Variants in NRXN1 observed in about 807,000 individuals in gnomAD.
The protein encoded by NRXN1 is neurexin 1.
Under a neutral mutation model 150.9 loss-of-function variants are expected in NRXN1, and 39 were observed. The ratio of observed to expected loss-of-function variants is 0.26; its 90% CI spans 0.20 to 0.34. NRXN1 has a LOEUF of 0.34. NRXN1 is among the 10% of genes least tolerant of loss of function. The pLI, the probability that NRXN1 is intolerant of heterozygous loss-of-function variation, is 1.00. For missense variants in NRXN1, 1,815 were observed against 1,949.9 expected, an observed-to-expected ratio of 0.93 and a Z score of 1.30; for synonymous variants, 924 against 757.0, an observed-to-expected ratio of 1.22 and a Z score of -3.62.
intron 22 of NRXN1, among the ~76,000 whole-genome samples, chr2:49,941,399 T>A (rs1671950647): frequency 6.6e-6 from 1 of 151,480 alleles, no homozygotes; most frequent in Non-Finnish European, 1.5e-5. Context: ...TCTACCTTCT[T>A]CCTCCACCAT....
At chr2:49,995,534 C>T (rs1682791248) in intron 21 of NRXN1, among the ~76,000 whole-genome samples, 1 of 152,008 alleles carries the variant, frequency 6.6e-6, no homozygotes, top group African/African-American at 2.4e-5. Flanking sequence ...CTAATCCCAG[C>T]ACTTTGGGAG....
At chr2:50,785,441 G>C (rs1382844986) in intron 5 of NRXN1, among the ~76,000 whole-genome samples, 1 of 151,788 alleles carries the variant, frequency 6.6e-6, no homozygotes, top group East Asian at 1.9e-4. Context: ...GTAGAGACGG[G>C]GTTTCACCCT....
chr2:50,708,698 G>T (rs932778013), intron 5 of NRXN1, among the ~76,000 whole-genome samples: 8 of 152,280 alleles, frequency 5.3e-5, no homozygotes, highest in African/African-American at 1.9e-4. Context: ...CACAGGAGGA[G>T]AAAGCAAATC....
At chr2:50,218,862 A>G (rs1210968855) in intron 18 of NRXN1, among the ~76,000 whole-genome samples, 3 of 152,042 alleles carry the variant, frequency 2.0e-5, no homozygotes, top group African/African-American at 7.2e-5. Flanking sequence ...CCTGTTATAC[A>G]TATGCAAAAC....
chr2:50,028,342 C>T (rs1470877631), intron 21 of NRXN1, among the ~76,000 whole-genome samples: 2 of 152,200 alleles, frequency 1.3e-5, no homozygotes, highest in East Asian at 3.8e-4. Flanking sequence ...AACAAGGAGA[C>T]ATCAAGGCAT....
At chr2:50,032,129 G>A (rs1689264737) in intron 21 of NRXN1, among the ~76,000 whole-genome samples, 1 of 152,018 alleles carries the variant, frequency 6.6e-6, no homozygotes, top group Admixed American at 6.6e-5. Context: ...CTATTTTACT[G>A]TTACTAGCCA....
intron 17 of NRXN1, among the ~76,000 whole-genome samples, chr2:50,455,980 C>A (rs529846642): frequency 1.6e-4 from 25 of 152,250 alleles, no homozygotes; most frequent in African/African-American, 6.0e-4. Flanking sequence ...AATAGAACTG[C>A]CAAATATCAA....
chr2:50,742,050 G>C (rs1243855755), intron 5 of NRXN1, among the ~76,000 whole-genome samples: 1 of 151,984 alleles, frequency 6.6e-6, no homozygotes, highest in Non-Finnish European at 1.5e-5. Flanking sequence ...AAAAGGAAAA[G>C]AAAATAAAAG....
At chr2:50,991,044 T>A (rs1279525102) in intron 2 of NRXN1, among the ~76,000 whole-genome samples, 1 of 152,102 alleles carries the variant, frequency 6.6e-6, no homozygotes, top group Admixed American at 6.6e-5. Context: ...TCTTTCAGCA[T>A]CTGCTCTGTG....
At chr2:50,785,429 C>T (rs747545659) in intron 5 of NRXN1, among the ~76,000 whole-genome samples, 4 of 151,564 alleles carry the variant, frequency 2.6e-5, no homozygotes, top group Non-Finnish European at 4.4e-5. Context: ...TTTGTATTTT[C>T]AGTAGAGACG....
At chr2:50,438,967 T>TGCCACAGCTACTCAAAGTA (rs2085687076) in intron 17 of NRXN1, among the ~76,000 whole-genome samples, 2 of 152,230 alleles carry the variant, frequency 1.3e-5, no homozygotes, top group African/African-American at 4.8e-5. Context: ...TATGGAAAGT[T>TGCCACAGCTACTCAAAGTA]GCCACAGCTA....
intron 17 of NRXN1, among the ~76,000 whole-genome samples, chr2:50,335,907 A>G (rs1357263194): frequency 6.7e-6 from 1 of 148,798 alleles, no homozygotes; most frequent in Non-Finnish European, 1.5e-5. Flanking sequence ...TTTTTTTTCC[A>G]GAGCAGAAAA....
intron 22 of NRXN1, among the ~76,000 whole-genome samples, chr2:49,925,281 C>CAAAAAAAAAA (rs772838099): frequency 1.2e-5 from 1 of 80,990 alleles, no homozygotes; most frequent in African/African-American, 4.4e-5. Context: ...CTGCCTCAAC[C>CAAAAAAAAAA]AAAAAAAAAA....
intron 18 of NRXN1, among the ~76,000 whole-genome samples, chr2:50,195,627 T>C (rs1271422473): frequency 6.6e-6 from 1 of 152,162 alleles, no homozygotes; most frequent in Non-Finnish European, 1.5e-5. Flanking sequence ...TGCTTTTGAT[T>C]GTCACTCTCC....
chr2:50,838,954 A>C (rs919113769), intron 5 of NRXN1, among the ~76,000 whole-genome samples: 1 of 152,168 alleles, frequency 6.6e-6, no homozygotes, highest in Non-Finnish European at 1.5e-5. Flanking sequence ...TGAGGTGAAA[A>C]AAGGTGAAAT....
chr2:50,035,492 A>C (rs1243349370), intron 21 of NRXN1, among the ~76,000 whole-genome samples: 2 of 152,160 alleles, frequency 1.3e-5, no homozygotes, highest in Non-Finnish European at 2.9e-5. Flanking sequence ...GAACAATAAA[A>C]AGCAAAATTC....
At chr2:50,980,676 C>A (rs1575116750) in intron 2 of NRXN1, among the ~76,000 whole-genome samples, 1 of 151,982 alleles carries the variant, frequency 6.6e-6, no homozygotes, top group South Asian at 2.1e-4. Context: ...TCTCTTCAAT[C>A]AAAAAATCCA....
chr2:50,294,521 A>C (rs763763181), intron 17 of NRXN1, among the ~76,000 whole-genome samples: 2 of 152,220 alleles, frequency 1.3e-5, no homozygotes, highest in African/African-American at 2.4e-5. Flanking sequence ...GGTTGTATAA[A>C]ATGACTTCTC....
At chr2:50,036,033 T>A (rs1486346491) in intron 21 of NRXN1, among the ~76,000 whole-genome samples, 1 of 152,146 alleles carries the variant, frequency 6.6e-6, no homozygotes, top group Admixed American at 6.6e-5. Flanking sequence ...CCTAGGAGAC[T>A]GCCTTCGGAG....
Sources: gnomAD v4.1 joint callset for allele counts (sites outside exome capture counted in the v4.1 genomes callset) on GRCh38, gnomAD v4.1.1 for gene constraint, MANE v1.5 for transcripts, NCBI Gene and HGNC (gene_info 2026-07-23, HGNC 2026-07-21) for gene names.